Variants in FAM168B observed in about 807,000 individuals in gnomAD.
FAM168B encodes the protein myelin-associated neurite-outgrowth inhibitor.
FAM168B carries 19 observed loss-of-function variants against 21.8 expected under a neutral mutation model. The ratio of observed to expected loss-of-function variants is 0.87; its 90% CI spans 0.61 to 1.28. The LOEUF (loss-of-function observed/expected upper bound fraction) is 1.28, where lower values mean the gene tolerates loss of function less well. Ranked by LOEUF, FAM168B falls within the 50% of genes most tolerant of loss-of-function variation. The probability of loss-of-function intolerance (pLI) is 0.00; values close to 1 mark genes in which losing one functional copy is unlikely to be tolerated. For missense variants in FAM168B, 233 were observed against 263.1 expected (o/e 0.89, Z 0.79); for synonymous variants, 126 against 104.8 (o/e 1.20, Z -1.24).
At chr2:131,071,158 T>C (rs1692851690) in intron 3 of FAM168B, among the ~76,000 whole-genome samples, 1 of 152,232 alleles carries the variant, frequency 6.6e-6, no homozygotes, top group Admixed American at 6.5e-5. Flanking sequence ...TGTTGTCTCC[T>C]CCTCTGTCAA....
chr2:131,092,313 T>C (rs984698797), intron 1 of FAM168B, among the ~76,000 whole-genome samples: 15 of 152,326 alleles, frequency 9.8e-5, no homozygotes, highest in Non-Finnish European at 2.1e-4. Flanking sequence ...AAAATTAGAA[T>C]AGCCTTACAC....
intron 1 of FAM168B, among the ~76,000 whole-genome samples, chr2:131,087,618 G>T (rs1407977040): frequency 6.6e-6 from 1 of 152,156 alleles, no homozygotes; most frequent in Non-Finnish European, 1.5e-5. Context: ...TCTATGTAGG[G>T]AATCAGTAAT....
At position 131,086,951 on chromosome 2, in the gene FAM168B, G is replaced by C. The variant is rs1693735303; in HGVS notation, c.-11-4294C>G. On this transcript the variant is annotated intron_variant, in intron 1 of 6. Transcript: ENST00000389915. ...GAGGTGGCGGGCGCCTGTAGTCCCA[G>C]CTACTCGGGAGGCTGAGGCAGGAGA... Among the ~76,000 whole-genome samples the C allele has an allele frequency of 1.6e-5, 2 of 127,864 alleles. 1 individual carries two copies. Among genetic ancestry groups the C allele is most frequent in the Non-Finnish European group, 3.1e-5 (2 of 65,092 alleles). 83.9% of individuals were successfully genotyped at this position (127,864 alleles called of 152,430 possible).
chr2:131,052,358 G>C lies in FAM168B; in HGVS notation c.*107C>G, dbSNP rs1016148183. The C allele has an allele frequency of 2.0e-5, 20 of 986,246 alleles. No homozygotes were observed. The highest frequency in any genetic ancestry group is 2.4e-5 in the Non-Finnish European group (20 of 830,280). 61.1% of individuals were successfully genotyped at this position (986,246 alleles called of 1,614,324 possible). A position where few individuals can be genotyped will look rare whatever the true frequency, so the allele number is the denominator to read the frequency against. On this transcript the variant is annotated 3_prime_UTR_variant, in exon 7 of 7. Coordinates refer to ENST00000389915, the MANE Select transcript of FAM168B (RefSeq NM_001009993.4). ...ATAGTCGTGTTTAGCTAAGTGTCGA[G>C]AGCATTAAGAAGAAAGTCCTGGTTG...
intron 2 of FAM168B, among the ~76,000 whole-genome samples, chr2:131,080,371 C>T (rs1468129169): frequency 2.0e-5 from 3 of 151,258 alleles, no homozygotes; most frequent in Non-Finnish European, 4.4e-5. Context: ...AAAAGAGGGG[C>T]TCACGCTTAT....
chr2:131,061,704 C>T (rs1692303318), intron 3 of FAM168B, among the ~76,000 whole-genome samples: 2 of 151,830 alleles, frequency 1.3e-5, no homozygotes, highest in Admixed American at 1.3e-4. Context: ...ATCAGCTGAA[C>T]CTGGGAGGTG....
chr2:131,048,886 G>A lies in FAM168B; in HGVS notation c.*3579C>T, dbSNP rs547239210. ...GCCCAATGGAGGTCCTGTCCTGTCCGGGCAACAGCCAAACTGGCGACAATG... is the reference window on the plus strand; with the variant it reads ...GCCCAATGGAGGTCCTGTCCTGTCCAGGCAACAGCCAAACTGGCGACAATG... On this transcript the variant is annotated 3_prime_UTR_variant, in exon 7 of 7. Coordinates refer to ENST00000389915, the MANE Select transcript of FAM168B (RefSeq NM_001009993.4). 12 of 986,006 alleles carry A rather than the reference G, an allele frequency of 1.2e-5. No homozygotes were observed. The highest frequency in any genetic ancestry group is 7.0e-5 in the African/African-American group (4 of 57,336). 61.1% of individuals were successfully genotyped at this position (986,006 alleles called of 1,614,324 possible).
intron 3 of FAM168B, among the ~76,000 whole-genome samples, chr2:131,060,717 T>A (rs1692248486): frequency 6.6e-6 from 1 of 152,186 alleles, no homozygotes; most frequent in Admixed American, 6.5e-5. Context: ...GATTCTGAAT[T>A]GATTCCACAA....
At chr2:131,080,247 T>TAA (rs1558987855) in intron 2 of FAM168B, among the ~76,000 whole-genome samples, 1 of 151,538 alleles carries the variant, frequency 6.6e-6, no homozygotes, top group Non-Finnish European at 1.5e-5. Flanking sequence ...TGGCTGTTGA[T>TAA]TGCACAAAAT....
chr2:131,079,054 G>A (rs181817428), intron 2 of FAM168B, among the ~76,000 whole-genome samples: 2 of 151,960 alleles, frequency 1.3e-5, no homozygotes, highest in African/African-American at 2.4e-5. Flanking sequence ...GTGCTGAGAG[G>A]AAATAATGTG....
At chr2:131,065,960 A>G (rs930215607) in intron 3 of FAM168B, among the ~76,000 whole-genome samples, 1 of 152,164 alleles carries the variant, frequency 6.6e-6, no homozygotes, top group East Asian at 1.9e-4. Context: ...GTGTACCTGT[A>G]CATAAATGTT....
In FAM168B at chr2:131,050,229, C is replaced by G; in HGVS notation, c.*2236G>C. The G allele has an allele frequency of 1.0e-6, 1 of 985,470 alleles. No homozygotes were observed. The highest frequency in any genetic ancestry group is 1.2e-6 in the Non-Finnish European group (1 of 829,940). The allele number at this position is 985,470 out of a possible 1,614,324, so 61.0% of individuals were successfully genotyped here. A position where few individuals can be genotyped will look rare whatever the true frequency, so the allele number is the denominator to read the frequency against. ...TAACTTCTAACCTCCTCCTGAACCC[C>G]AAGACTCCAGCCCTCACAGGAGTTG... On this transcript the variant is annotated 3_prime_UTR_variant, in exon 7 of 7. Transcript: ENST00000389915.
intron 3 of FAM168B, among the ~76,000 whole-genome samples, chr2:131,071,130 C>G (rs1692850622): frequency 6.6e-6 from 1 of 152,186 alleles, no homozygotes; most frequent in African/African-American, 2.4e-5. Context: ...CAGGAAGAAT[C>G]TGGGGAAAGG....
At chr2:131,082,735 GTAGC>G in intron 1 of FAM168B, 78 bp from the exon 2 acceptor site, 1 of 831,986 alleles carries the variant, frequency 1.2e-6, no homozygotes, top group South Asian at 1.7e-5. Flanking sequence ...CAAAAAGCAG[GTAGC>G]TAGAGTCCTT....
At chr2:131,075,858 G>A (rs1396087486) in intron 2 of FAM168B, among the ~76,000 whole-genome samples, 3 of 152,034 alleles carry the variant, frequency 2.0e-5, no homozygotes, top group Non-Finnish European at 4.4e-5. Flanking sequence ...TATTTAAGAT[G>A]GCATCACTAG....
In FAM168B at chr2:131,085,585, C is replaced by T. The variant is rs559393710; in HGVS notation, c.-11-2928G>A. On this transcript the variant is annotated intron_variant, in intron 1 of 6. Coordinates refer to ENST00000389915, the MANE Select transcript of FAM168B (RefSeq NM_001009993.4). ...TTTGTCTCATTTAGAATATTCACAA[C>T]CAAGCAATCCTGTAGTAAGAAGAAA... Among the ~76,000 whole-genome samples the T allele has an allele frequency of 4.1e-4, 62 of 152,318 alleles. 1 individual carries two copies. In the South Asian group the frequency reaches 0.011, roughly 28 times the overall value.
intron 2 of FAM168B, among the ~76,000 whole-genome samples, chr2:131,080,892 G>C (rs368982344): frequency 6.5e-4 from 99 of 151,766 alleles, no homozygotes; most frequent in African/African-American, 2.2e-3. Context: ...GGATGGTCTC[G>C]ATCTCCTGAA....
rs141626504 is a variant in FAM168B, at chr2:131,062,361, T to C, written c.155-6666A>G. Among the ~76,000 whole-genome samples, 347 of 152,364 alleles carry C rather than the reference T, an allele frequency of 2.3e-3. 1 individual carries two copies. Among genetic ancestry groups the C allele is most frequent in the South Asian group, 4.1e-3 (20 of 4,832 alleles). On this transcript the variant is annotated intron_variant, in intron 3 of 6. Coordinates refer to ENST00000389915, the MANE Select transcript of FAM168B (RefSeq NM_001009993.4). Reference sequence around the variant, plus strand: ...ACACAGTCGAGGGGCCCACCTACGATGTCTTCCTTTTCTTCTACTGGAAGC... The same window carrying C: ...ACACAGTCGAGGGGCCCACCTACGACGTCTTCCTTTTCTTCTACTGGAAGC...
rs960764878 is a variant in FAM168B, at chr2:131,086,998, GGAGC to G, written c.-11-4345_-11-4342del. Among the ~76,000 whole-genome samples, 8 of 130,424 alleles carry G rather than the reference GGAGC, an allele frequency of 6.1e-5. 1 individual carries two copies. The highest frequency in any genetic ancestry group is 2.9e-4 in the Admixed American group (4 of 13,930). 85.6% of individuals were successfully genotyped at this position (130,424 alleles called of 152,430 possible). A position where few individuals can be genotyped will look rare whatever the true frequency, so the allele number is the denominator to read the frequency against. On this transcript the variant is annotated intron_variant, in intron 1 of 6. Coordinates refer to ENST00000389915, the MANE Select transcript of FAM168B (RefSeq NM_001009993.4). ...GAGAATGGTGTGAACCCCAGGGGGC[GGAGC>G]CTGCAGTGAGCCGAGATTGCGCCAC... is the stretch of plus-strand genomic sequence containing the variant.
Sources: allele counts gnomAD v4.1 joint callset (sites outside exome capture counted in the v4.1 genomes callset), GRCh38; gene constraint gnomAD v4.1.1; transcripts MANE v1.5; gene names NCBI Gene and HGNC (gene_info 2026-07-23, HGNC 2026-07-21).